Variants in P3H2 observed in about 807,000 individuals in gnomAD.
P3H2 encodes prolyl 3-hydroxylase 2, also known as leprecan-like 1.
Under a neutral mutation model 87.0 loss-of-function variants are expected in P3H2, and 80 were observed. The ratio of observed to expected loss-of-function variants is 0.92; its 90% CI spans 0.77 to 1.11. The LOEUF (loss-of-function observed/expected upper bound fraction) is 1.11. Among genes scored for constraint, P3H2 ranks in the 50% least tolerant of loss-of-function variants. The pLI, the probability that P3H2 is intolerant of heterozygous loss-of-function variation, is 0.00. For missense variants in P3H2, 1,001 were observed against 923.9 expected (o/e 1.08, Z -1.08); for synonymous variants, 367 against 359.3 (o/e 1.02, Z -0.24).
At chr3:190,096,807 C>G (rs1727603577) in intron 1 of P3H2, among the ~76,000 whole-genome samples, 1 of 152,164 alleles carries the variant, frequency 6.6e-6, no homozygotes, top group African/African-American at 2.4e-5. Flanking sequence ...ATTTCAATCT[C>G]TTCAGCTTGG....
At chr3:190,045,929 G>A (rs568189063) in intron 1 of P3H2, among the ~76,000 whole-genome samples, 3 of 152,134 alleles carry the variant, frequency 2.0e-5, no homozygotes, top group African/African-American at 7.2e-5. Context: ...AGACCATCCT[G>A]GCTAACATGG....
intron 12 of P3H2, chr3:189,971,495 A>C (rs55827095): frequency 0.12 from 33,445 of 280,798 alleles, 2,683 homozygotes; most frequent in African/African-American, 0.25. Flanking sequence ...ATGCAGACAT[A>C]GTTCTTCTTG....
At chr3:190,092,212 G>A (rs528022855) in intron 1 of P3H2, among the ~76,000 whole-genome samples, 97 of 144,716 alleles carry the variant, frequency 6.7e-4, no homozygotes, top group African/African-American at 2.2e-3. Flanking sequence ...CAGCCTGGGC[G>A]ATGGAACGAG....
At chr3:190,050,936 T>G (rs1725962463) in intron 1 of P3H2, among the ~76,000 whole-genome samples, 1 of 152,186 alleles carries the variant, frequency 6.6e-6, no homozygotes, top group South Asian at 2.1e-4. Flanking sequence ...GATAATACAT[T>G]TATCTAGCTG....
At chr3:189,959,896 G>A (rs1722761557) in intron 14 of P3H2, among the ~76,000 whole-genome samples, 1 of 149,114 alleles carries the variant, frequency 6.7e-6, no homozygotes, top group Non-Finnish European at 1.5e-5. Flanking sequence ...GTGTGTGTGT[G>A]TGTGTGTGTG....
At chr3:189,959,133 T>C (rs1030788568) in intron 14 of P3H2, among the ~76,000 whole-genome samples, 3 of 152,078 alleles carry the variant, frequency 2.0e-5, no homozygotes, top group African/African-American at 7.2e-5. Flanking sequence ...TTATATCTCT[T>C]TCCTACTCAC....
At position 190,120,756 on chromosome 3, in the gene P3H2, C is replaced by A. The variant is rs1425513049; in HGVS notation, c.-25G>T. ...TCCTCCGCCTCAGAGAGGCGCGGGA[C>A]GGTTACGCTCGAGAGGGCTTCGGGG... On this transcript the variant is annotated 5_prime_UTR_variant, in exon 1 of 15. Transcript: ENST00000319332. 4 of 1,515,602 alleles carry A rather than the reference C, an allele frequency of 2.6e-6. No individual in the cohort carries two copies. The Admixed American group carries it at 6.1e-5, about 23-fold the overall frequency. The allele number at this position is 1,515,602 out of a possible 1,614,324, so 93.9% of individuals were successfully genotyped here.
intron 1 of P3H2, among the ~76,000 whole-genome samples, chr3:190,032,189 T>C (rs1490307590): frequency 6.6e-6 from 1 of 152,214 alleles, no homozygotes; most frequent in Non-Finnish European, 1.5e-5. Flanking sequence ...TCTCTACAAT[T>C]CCAGAAATGT....
intron 1 of P3H2, among the ~76,000 whole-genome samples, chr3:190,089,239 G>A (rs760337266): frequency 1.3e-5 from 2 of 152,164 alleles, no homozygotes; most frequent in Non-Finnish European, 2.9e-5. Context: ...GAAGCGGGGA[G>A]GGATAGCATT....
chr3:190,016,781 A>G (rs957021657), intron 1 of P3H2, among the ~76,000 whole-genome samples: 1 of 152,154 alleles, frequency 6.6e-6, no homozygotes, highest in South Asian at 2.1e-4. Context: ...GAGTTCTGTC[A>G]ATTGTCCCAT....
At chr3:189,990,396 T>C (rs1487258464) in intron 3 of P3H2, among the ~76,000 whole-genome samples, 1 of 152,174 alleles carries the variant, frequency 6.6e-6, no homozygotes, top group Non-Finnish European at 1.5e-5. Flanking sequence ...ACTTACCATT[T>C]GCATTTCTAT....
rs886086465 is a variant in P3H2 at position 190,054,067 on chromosome 3, T to C, written c.481-58625A>G. On this transcript the variant is annotated intron_variant, in intron 1 of 14. Transcript: ENST00000319332. ...TGGCCATATATGCAGGGGCTTTATC[T>C]GCACTGTATTCTAATGTTCTTAGCC... is the stretch of plus-strand genomic sequence containing the variant. Among the ~76,000 whole-genome samples, 3 of 152,308 alleles carry C rather than the reference T, an allele frequency of 2.0e-5. No homozygotes were observed. The South Asian group carries it at 6.2e-4, about 32-fold the overall frequency.
chr3:190,105,872 T>C (rs1711813250), intron 1 of P3H2, among the ~76,000 whole-genome samples: 2 of 152,160 alleles, frequency 1.3e-5, no homozygotes, highest in South Asian at 4.1e-4. Context: ...GAGCTGGGTG[T>C]AGAGATTAAA....
At chr3:190,103,964 G>T (rs1481673574) in intron 1 of P3H2, among the ~76,000 whole-genome samples, 3 of 151,914 alleles carry the variant, frequency 2.0e-5, no homozygotes, top group Non-Finnish European at 4.4e-5. Flanking sequence ...GCTAATTTTT[G>T]TATTTTTAGT....
chr3:190,034,274 A>G (rs936132524), intron 1 of P3H2, among the ~76,000 whole-genome samples: 3 of 152,196 alleles, frequency 2.0e-5, no homozygotes, highest in African/African-American at 7.2e-5. Context: ...TGAGAGAGAC[A>G]CCTAAAAAAG....
Position 190,120,810 on chromosome 3 carries a change from C to A in P3H2, c.-79G>T, listed in dbSNP as rs1050177125. The stretch of plus-strand genomic sequence containing the variant: ...CTCGCGTCCGGGTCCCCTCTCCCAC[C>A]TTCCCTCGGGGAAGCGCGCCGACTC... On this transcript the variant is annotated 5_prime_UTR_variant, in exon 1 of 15. The change creates a new upstream start codon in the 5' untranslated region. Coordinates refer to ENST00000319332, the MANE Select transcript of P3H2 (RefSeq NM_018192.4). 229 of 1,479,240 alleles carry A rather than the reference C, an allele frequency of 1.5e-4. 1 individual carries two copies. The highest frequency in any genetic ancestry group is 1.9e-4 in the Non-Finnish European group (214 of 1,119,166). 91.6% of individuals were successfully genotyped at this position (1,479,240 alleles called of 1,614,324 possible).
chr3:190,112,077 G>A lies in P3H2; in HGVS notation c.480+8175C>T, dbSNP rs76695712. Among the ~76,000 whole-genome samples, 577 of 152,228 alleles carry A rather than the reference G, an allele frequency of 3.8e-3. 2 individuals carry two copies. Among genetic ancestry groups the A allele is most frequent in the Non-Finnish European group, 6.6e-3 (446 of 68,012 alleles). ...CATGGGTCTTGTGTTATAATTATGC[G>A]CCATTTGAAATCCTCTATATTAGAT... is the stretch of plus-strand genomic sequence containing the variant. On this transcript the variant is annotated intron_variant, in intron 1 of 14. Coordinates refer to ENST00000319332, the MANE Select transcript of P3H2 (RefSeq NM_018192.4).
At chr3:190,007,487 TC>T in intron 1 of P3H2, among the ~76,000 whole-genome samples, 1 of 152,214 alleles carries the variant, frequency 6.6e-6, no homozygotes, top group Middle Eastern at 3.4e-3. Context: ...TTCCTAGAAG[TC>T]AAGCATCTTG....
chr3:189,984,650 A>G, intron 6 of P3H2, 60 bp from the exon 7 acceptor site: 1 of 1,176,958 alleles, frequency 8.5e-7, no homozygotes, highest in South Asian at 1.2e-5. Flanking sequence ...CATCACTTAC[A>G]GAATTAAGAT....
Sources: allele counts gnomAD v4.1 joint callset (sites outside exome capture counted in the v4.1 genomes callset), GRCh38; gene constraint gnomAD v4.1.1; transcripts MANE v1.5; gene names NCBI Gene and HGNC (gene_info 2026-07-23, HGNC 2026-07-21).